Variants in PDE1A observed in about 807,000 individuals in gnomAD.
The protein encoded by PDE1A is dual specificity calcium/calmodulin-dependent 3',5'-cyclic nucleotide phosphodiesterase 1A.
PDE1A carries 35 observed loss-of-function variants against 61.7 expected under a neutral mutation model. The ratio of observed to expected loss-of-function variants is 0.57; its 90% CI spans 0.43 to 0.75. PDE1A has a LOEUF of 0.75. Among genes scored for constraint, PDE1A ranks in the 30% least tolerant of loss-of-function variants. The pLI is 0.00. For synonymous variants in PDE1A, 232 were observed against 213.2 expected (o/e 1.09, Z -0.77); for missense variants, 597 against 630.6 (o/e 0.95, Z 0.57).
intron 1 of PDE1A, among the ~76,000 whole-genome samples, chr2:182,408,357 A>G (rs1052799580): frequency 6.6e-6 from 1 of 152,206 alleles, no homozygotes; most frequent in African/African-American, 2.4e-5. Flanking sequence ...TACCTTAAAA[A>G]AGTTAGCTAA....
chr2:182,290,881 T>C (rs1006488221), intron 1 of PDE1A, among the ~76,000 whole-genome samples: 2 of 151,832 alleles, frequency 1.3e-5, no homozygotes, highest in Admixed American at 6.6e-5. Flanking sequence ...GCTCATGAAC[T>C]TTCCCCCAAA....
At position 182,269,854 on chromosome 2, in the gene PDE1A, A is replaced by G. The variant is rs74485502; in HGVS notation, c.54-5440T>C. On this transcript the variant is annotated intron_variant, in intron 1 of 13. Transcript: ENST00000351439. Reference sequence around the variant, plus strand: ...TGTATACCTGTGTCTGCACTTATCAAATTGCAAATTGCAAGCTAAAATATG... The same window carrying G: ...TGTATACCTGTGTCTGCACTTATCAGATTGCAAATTGCAAGCTAAAATATG... Among the ~76,000 whole-genome samples, 243 of 152,266 alleles carry G rather than the reference A, an allele frequency of 1.6e-3. 6 individuals are homozygous for G. The East Asian group carries it at 0.042, about 26-fold the overall frequency.
intron 2 of PDE1A, among the ~76,000 whole-genome samples, chr2:182,251,675 T>C (rs1418695657): frequency 1.3e-5 from 2 of 152,150 alleles, no homozygotes; most frequent in East Asian, 3.8e-4. Context: ...ACCAAGAAAA[T>C]ACGATTTACT....
chr2:182,339,010 T>C (rs1313362523), intron 1 of PDE1A, among the ~76,000 whole-genome samples: 1 of 152,244 alleles, frequency 6.6e-6, no homozygotes, highest in Admixed American at 6.5e-5. Context: ...CTGAAGAATA[T>C]GAATTTTAAT....
intron 2 of PDE1A, among the ~76,000 whole-genome samples, chr2:182,443,299 T>C (rs1425635321): frequency 6.6e-6 from 1 of 151,994 alleles, no homozygotes; most frequent in East Asian, 1.9e-4. Context: ...AACTGTTTAA[T>C]TTATATTACA....
chr2:182,226,385 C>T (rs915238892), intron 6 of PDE1A, among the ~76,000 whole-genome samples: 1 of 149,706 alleles, frequency 6.7e-6, no homozygotes. Flanking sequence ...CTCCACAAAT[C>T]CCCCTTACTT....
At chr2:182,504,280 C>T (rs1342697673) in intron 2 of PDE1A, among the ~76,000 whole-genome samples, 1 of 152,046 alleles carries the variant, frequency 6.6e-6, no homozygotes, top group African/African-American at 2.4e-5. Context: ...TTTCTAATTC[C>T]AAGGTGCGCT....
chr2:182,162,304 C>T (rs766658059), intron 13 of PDE1A, among the ~76,000 whole-genome samples: 11 of 152,178 alleles, frequency 7.2e-5, no homozygotes, highest in Non-Finnish European at 1.0e-4. Flanking sequence ...CTGGAATTAA[C>T]AGCAGAGGCA....
intron 2 of PDE1A, among the ~76,000 whole-genome samples, chr2:182,437,101 CT>C (rs763114118): frequency 2.6e-4 from 39 of 151,962 alleles, no homozygotes; most frequent in Admixed American, 7.2e-4. Context: ...AAGCAGAAGA[CT>C]GAATATTTGG....
chr2:182,331,946 C>T (rs1439546417), intron 1 of PDE1A, among the ~76,000 whole-genome samples: 1 of 152,172 alleles, frequency 6.6e-6, no homozygotes, highest in African/African-American at 2.4e-5. Flanking sequence ...AGAGTGTTTT[C>T]TAACTTGGTT....
chr2:182,544,211 C>T, the PDE1A span, among the ~76,000 whole-genome samples: 1 of 152,136 alleles, frequency 6.6e-6, no homozygotes, highest in Non-Finnish European at 1.5e-5. Context: ...AACTGGCAAC[C>T]AAGACTGGGT....
At chr2:182,229,296 T>A (rs1478375059) in intron 6 of PDE1A, among the ~76,000 whole-genome samples, 1 of 152,236 alleles carries the variant, frequency 6.6e-6, no homozygotes, top group South Asian at 2.1e-4. Context: ...AAGCAGGTGC[T>A]AGGATTTAGA....
the PDE1A span, among the ~76,000 whole-genome samples, chr2:182,549,877 G>T: frequency 6.6e-6 from 1 of 151,952 alleles, no homozygotes; most frequent in Non-Finnish European, 1.5e-5. Context: ...ATTTGGTTAA[G>T]GTAAATTGAT....
chr2:182,578,732 T>C, the PDE1A span, among the ~76,000 whole-genome samples: 1 of 152,206 alleles, frequency 6.6e-6, no homozygotes, highest in Non-Finnish European at 1.5e-5. Context: ...CAGTAAGTTG[T>C]AGCAGTGTAC....
At chr2:182,316,032 T>G (rs1018726067) in intron 1 of PDE1A, among the ~76,000 whole-genome samples, 3 of 152,192 alleles carry the variant, frequency 2.0e-5, no homozygotes, top group African/African-American at 7.2e-5. Context: ...AGTTGTGAAC[T>G]CAGAGGAGAC....
intron 13 of PDE1A, among the ~76,000 whole-genome samples, chr2:182,157,019 A>ATT (rs1188867398): frequency 1.2e-4 from 15 of 120,504 alleles, no homozygotes; most frequent in Non-Finnish European, 1.9e-4. Context: ...ATTTTATTTT[A>ATT]TTTTTTTTTT....
chr2:182,495,222 C>G (rs1355041597), intron 2 of PDE1A, among the ~76,000 whole-genome samples: 2 of 152,182 alleles, frequency 1.3e-5, no homozygotes, highest in Admixed American at 1.3e-4. Context: ...TGGCTTTAGC[C>G]TTTTCCTTGG....
intron 2 of PDE1A, among the ~76,000 whole-genome samples, chr2:182,477,885 C>T (rs1687469738): frequency 1.3e-5 from 2 of 151,950 alleles, no homozygotes; most frequent in Non-Finnish European, 1.5e-5. Flanking sequence ...TCAAGTGATG[C>T]ACGTCTCTTT....
At chr2:182,200,909 G>C (rs943887607) in intron 10 of PDE1A, among the ~76,000 whole-genome samples, 2 of 152,194 alleles carry the variant, frequency 1.3e-5, no homozygotes, top group Non-Finnish European at 2.9e-5. Flanking sequence ...CATGTATAAA[G>C]AAAAGATGTG....
Sources: gnomAD v4.1 joint callset for allele counts (sites outside exome capture counted in the v4.1 genomes callset) on GRCh38, gnomAD v4.1.1 for gene constraint, MANE v1.5 for transcripts, NCBI Gene and HGNC (gene_info 2026-07-23, HGNC 2026-07-21) for gene names.